LIMA1: variants seen among roughly 807,000 people sequenced by gnomAD.
LIMA1 encodes LIM domain and actin-binding protein 1.
In LIMA1, 52 loss-of-function variants were observed where a neutral mutation model predicts 62.6. That is an observed-to-expected ratio of 0.83 (90% CI 0.67 to 1.05). The LOEUF is 1.05. Ranked by LOEUF, LIMA1 falls within the 50% of genes least tolerant of loss-of-function variation. The pLI, the probability that LIMA1 is intolerant of heterozygous loss-of-function variation, is 0.00. For synonymous variants in LIMA1, 302 were observed against 317.8 expected (o/e 0.95, Z 0.53); for missense variants, 780 against 902.2 (o/e 0.86, Z 1.74).
chr12:50,245,412 CAAAAA>C (rs1298537875), intron 2 of LIMA1, among the ~76,000 whole-genome samples: 1 of 83,756 alleles, frequency 1.2e-5, no homozygotes. Flanking sequence ...GACCCTGTCT[CAAAAA>C]AAAAAAAAAA....
At chr12:50,204,756 A>T in intron 5 of LIMA1, 56 bp from the exon 6 acceptor site, 1 of 1,560,970 alleles carries the variant, frequency 6.4e-7, no homozygotes. Context: ...GTCTCACTCT[A>T]TCACCCAGGC....
rs569807898 is a variant in LIMA1, at chr12:50,178,863, AC to A, written c.1275-795del. Among the ~76,000 whole-genome samples, 3 of 151,832 alleles carry A rather than the reference AC, an allele frequency of 2.0e-5. No homozygotes were observed. In the South Asian group the frequency reaches 6.2e-4, roughly 32 times the overall value. On this transcript the variant is annotated intron_variant, in intron 10 of 10. Coordinates refer to ENST00000341247, the MANE Select transcript of LIMA1 (RefSeq NM_016357.5). Reference sequence around the variant, plus strand: ...TAACTTTCTCCACTTTGGAATGCTGACCCCATTCATTTGGAGTCAGTGTTTC... The same window carrying A: ...TAACTTTCTCCACTTTGGAATGCTGACCCATTCATTTGGAGTCAGTGTTTC...
chr12:50,198,790 G>A (rs1182675779), intron 7 of LIMA1, among the ~76,000 whole-genome samples: 1 of 152,114 alleles, frequency 6.6e-6, no homozygotes, highest in East Asian at 1.9e-4. Context: ...TTGGACAATG[G>A]GCAATGGTAG....
At chr12:50,198,656 T>C (rs1378491676) in intron 7 of LIMA1, among the ~76,000 whole-genome samples, 1 of 152,208 alleles carries the variant, frequency 6.6e-6, no homozygotes, top group Non-Finnish European at 1.5e-5. Flanking sequence ...GTCAAGGGTG[T>C]CAATAAGTGT....
intron 9 of LIMA1, among the ~76,000 whole-genome samples, chr12:50,182,640 T>TTAAA (rs1280336002): frequency 6.6e-6 from 1 of 152,208 alleles, no homozygotes; most frequent in African/African-American, 2.4e-5. Flanking sequence ...AAGTATTTTA[T>TTAAA]TAGGACACCA....
chr12:50,204,658 C>T lies in LIMA1; in HGVS notation c.758G>A (p.Ser253Asn). 6.2e-7 allele frequency: 1 copy of T among 1,614,220 alleles called. No individual in the cohort carries two copies. The highest frequency in any genetic ancestry group is 1.7e-5 in the Admixed American group (1 of 60,028). The change falls in exon 6 of 11, where the codon AGT becomes AAT. Residue 253 changes from serine to asparagine, a missense_variant. Coordinates refer to ENST00000341247, the MANE Select transcript of LIMA1 (RefSeq NM_016357.5). ...SSTFDSEKNESRRNLELPRLS... is the reference protein window; with the variant it reads ...SSTFDSEKNENRRNLELPRLS... ...GCGTGGAAGTTCCAGATTTCGTCTA[C>T]TCTCATTTTTCTCCGAGTCAAATGT...
chr12:50,204,203 T>A (rs1338020908), intron 6 of LIMA1: 1 of 168,424 alleles, frequency 5.9e-6, no homozygotes, highest in East Asian at 1.6e-4. Flanking sequence ...TTCTTCCTTC[T>A]TCCCTCAACA....
chr12:50,193,660 A>T (rs1940854609), intron 8 of LIMA1, among the ~76,000 whole-genome samples: 3 of 96,944 alleles, frequency 3.1e-5, no homozygotes, highest in Non-Finnish European at 4.0e-5. Context: ...GTATATATAT[A>T]TATATATTTT....
At chr12:50,187,140 C>T (rs1351986980) in intron 9 of LIMA1, 1 of 152,084 alleles carries the variant, frequency 6.6e-6, no homozygotes, top group East Asian at 1.9e-4. Flanking sequence ...TGTTGATTAC[C>T]ATCTACTTAA....
At chr12:50,281,275 C>T (rs1942336615) in intron 1 of LIMA1, among the ~76,000 whole-genome samples, 1 of 152,064 alleles carries the variant, frequency 6.6e-6, no homozygotes, top group South Asian at 2.1e-4. Context: ...AAACACTAGT[C>T]AAAATTATAC....
At chr12:50,202,969 C>T (rs1565838503) in intron 6 of LIMA1, among the ~76,000 whole-genome samples, 1 of 148,704 alleles carries the variant, frequency 6.7e-6, no homozygotes, top group Non-Finnish European at 1.5e-5. Flanking sequence ...TGTGTGTATA[C>T]ATATATATGT....
intron 9 of LIMA1, chr12:50,188,922 T>A (rs2138411656): frequency 6.6e-6 from 1 of 152,418 alleles, no homozygotes; most frequent in East Asian, 1.9e-4. Context: ...CTAGCCGTTC[T>A]TGATCCCCAA....
At chr12:50,260,151 T>C (rs1984993) in intron 1 of LIMA1, among the ~76,000 whole-genome samples, 47,919 of 150,340 alleles carry the variant, frequency 0.32, 7,815 homozygotes, top group South Asian at 0.48. Flanking sequence ...GAGTTTCTTT[T>C]TTTTTTTTTT....
chr12:50,229,191 C>T (rs1438151658), intron 3 of LIMA1, among the ~76,000 whole-genome samples: 2 of 152,176 alleles, frequency 1.3e-5, no homozygotes, highest in Non-Finnish European at 2.9e-5. Context: ...TGTTCCTCTA[C>T]ATTCTCTTCC....
chr12:50,266,117 C>G (rs754975709), intron 1 of LIMA1, among the ~76,000 whole-genome samples: 2 of 152,186 alleles, frequency 1.3e-5, no homozygotes, highest in Non-Finnish European at 2.9e-5. Context: ...TGCCCTCCCC[C>G]CAAACCAATT....
chr12:50,266,886 TCAATA>T (rs1021923402), intron 1 of LIMA1, among the ~76,000 whole-genome samples: 4 of 152,110 alleles, frequency 2.6e-5, no homozygotes, highest in African/African-American at 9.7e-5. Context: ...TGTTGGCCAC[TCAATA>T]CATTTACTTT....
intron 1 of LIMA1, among the ~76,000 whole-genome samples, chr12:50,269,488 A>G (rs1220032612): frequency 6.6e-6 from 1 of 152,208 alleles, no homozygotes; most frequent in African/African-American, 2.4e-5. Context: ...TAAATCACCA[A>G]TAAAAAGAGA....
At chr12:50,184,168 A>G (rs1310365131) in intron 9 of LIMA1, among the ~76,000 whole-genome samples, 1 of 152,260 alleles carries the variant, frequency 6.6e-6, no homozygotes, top group Non-Finnish European at 1.5e-5. Flanking sequence ...CTAGTTTAGC[A>G]TAAGGGAGGT....
intron 9 of LIMA1, chr12:50,187,673 G>C (rs552769778): frequency 6.6e-6 from 1 of 152,190 alleles, no homozygotes; most frequent in South Asian, 2.1e-4. Flanking sequence ...TGTGTCTTCA[G>C]GGGGAGGAAC....
Sources: allele counts gnomAD v4.1 joint callset (sites outside exome capture counted in the v4.1 genomes callset), GRCh38; gene constraint gnomAD v4.1.1; transcripts MANE v1.5; gene names NCBI Gene and HGNC (gene_info 2026-07-23, HGNC 2026-07-21).